Variants in LDLRAD4 observed in about 807,000 individuals in gnomAD.
LDLRAD4 encodes the protein low-density lipoprotein receptor class A domain-containing protein 4.
Under a neutral mutation model 17.0 loss-of-function variants are expected in LDLRAD4, and 5 were observed. The observed-to-expected ratio is 0.29, with a 90% CI of 0.15 to 0.62. The LOEUF (loss-of-function observed/expected upper bound fraction) is 0.62. LDLRAD4 is among the 20% of genes least tolerant of loss of function. LDLRAD4 has a pLI of 0.84. For synonymous variants in LDLRAD4, 168 were observed against 171.8 expected, an observed-to-expected ratio of 0.98 and a Z score of 0.17; for missense variants, 340 against 424.7, an observed-to-expected ratio of 0.80 and a Z score of 1.75.
At chr18:13,368,099 G>T (rs1422711315) in intron 1 of LDLRAD4, among the ~76,000 whole-genome samples, 1 of 152,132 alleles carries the variant, frequency 6.6e-6, no homozygotes. Context: ...GGTATATCTG[G>T]GGGTGGTGCG....
intron 3 of LDLRAD4, among the ~76,000 whole-genome samples, chr18:13,486,264 A>G (rs772400254): frequency 2.8e-4 from 43 of 152,368 alleles, no homozygotes; most frequent in Middle Eastern, 6.8e-3. Flanking sequence ...TTGTGTCAAG[A>G]TTATTTTACT....
At chr18:13,218,446 C>T (rs2041267979), upstream of LDLRAD4, among the ~76,000 whole-genome samples, 1 of 152,188 alleles carries the variant, frequency 6.6e-6, no homozygotes, top group African/African-American at 2.4e-5. Flanking sequence ...TTCTGCACCG[C>T]CCGGAGGCCA....
chr18:13,422,294 AT>A (rs1367193307), intron 2 of LDLRAD4, among the ~76,000 whole-genome samples: 1 of 152,202 alleles, frequency 6.6e-6, no homozygotes, highest in Non-Finnish European at 1.5e-5. Context: ...AGAGATGGTG[AT>A]GTGAGCTTCA....
At chr18:13,490,852 G>A (rs1297433611) in intron 3 of LDLRAD4, among the ~76,000 whole-genome samples, 1 of 152,160 alleles carries the variant, frequency 6.6e-6, no homozygotes, top group Non-Finnish European at 1.5e-5. Context: ...CACATCCTTG[G>A]CTCATTGGCA....
intron 1 of LDLRAD4, among the ~76,000 whole-genome samples, chr18:13,363,174 C>CA (rs1395350679): frequency 6.6e-6 from 1 of 151,048 alleles, no homozygotes; most frequent in Non-Finnish European, 1.5e-5. Context: ...GCTAAAAATA[C>CA]AAAAAAAATT....
chr18:13,391,484 G>A (rs566993921), intron 2 of LDLRAD4, among the ~76,000 whole-genome samples: 101 of 152,204 alleles, frequency 6.6e-4, no homozygotes, highest in Non-Finnish European at 1.2e-3. Context: ...ACATAGATGC[G>A]TATTTAACTT....
intron 1 of LDLRAD4, among the ~76,000 whole-genome samples, chr18:13,307,096 T>C (rs563179428): frequency 3.9e-5 from 6 of 152,218 alleles, no homozygotes; most frequent in Non-Finnish European, 7.3e-5. Flanking sequence ...AAGTGGGCAC[T>C]GAAACTAAAC....
intron 1 of LDLRAD4, among the ~76,000 whole-genome samples, chr18:13,384,418 G>A (rs2085631894): frequency 1.3e-5 from 2 of 152,204 alleles, no homozygotes; most frequent in South Asian, 4.1e-4. Flanking sequence ...TTTGTGGTAA[G>A]AATGTTAAAA....
At chr18:13,582,454 G>A (rs545108513) in intron 3 of LDLRAD4, among the ~76,000 whole-genome samples, 11 of 152,392 alleles carry the variant, frequency 7.2e-5, no homozygotes, top group Admixed American at 5.2e-4. Flanking sequence ...GGCAGATGCA[G>A]TTCCCTCCCA....
At chr18:13,222,925 T>C (rs1328519253) in intron 1 of LDLRAD4, among the ~76,000 whole-genome samples, 1 of 152,238 alleles carries the variant, frequency 6.6e-6, no homozygotes, top group African/African-American at 2.4e-5. Flanking sequence ...AGTTGTGTTC[T>C]TTCTGCAGGT....
chr18:13,236,144 C>T (rs1041865851), intron 1 of LDLRAD4, among the ~76,000 whole-genome samples: 6 of 152,120 alleles, frequency 3.9e-5, no homozygotes. Flanking sequence ...GGTTTACTCT[C>T]TACAGAGAGT....
At chr18:13,352,710 A>G (rs888689984) in intron 1 of LDLRAD4, among the ~76,000 whole-genome samples, 24 of 152,060 alleles carry the variant, frequency 1.6e-4, no homozygotes, top group African/African-American at 5.8e-4. Flanking sequence ...TTCTCGTAAC[A>G]TGTATACTTG....
At chr18:13,647,432 AATG>A (rs1469976400) in exon 6 of LDLRAD4, 1 of 152,100 alleles carries the variant, frequency 6.6e-6, no homozygotes, top group Non-Finnish European at 1.5e-5. Flanking sequence ...GATGAGCTGG[AATG>A]ATGATTCCAT....
chr18:13,613,657 T>C (rs1339265604), intron 3 of LDLRAD4: 1 of 152,222 alleles, frequency 6.6e-6, no homozygotes, highest in Non-Finnish European at 1.5e-5. Context: ...GAAGTAATTG[T>C]AGTGGATGAA....
intron 1 of LDLRAD4, among the ~76,000 whole-genome samples, chr18:13,339,670 T>A (rs2144010260): frequency 6.6e-6 from 1 of 152,278 alleles, no homozygotes; most frequent in East Asian, 1.9e-4. Context: ...AATAAAATAT[T>A]ATGGAGAACA....
At chr18:13,553,813 A>G (rs776115602) in intron 3 of LDLRAD4, among the ~76,000 whole-genome samples, 1 of 152,142 alleles carries the variant, frequency 6.6e-6, no homozygotes, top group East Asian at 1.9e-4. Flanking sequence ...CTGTTCATAC[A>G]TGAAGCAATC....
chr18:13,351,824 A>T (rs1461690206), intron 1 of LDLRAD4, among the ~76,000 whole-genome samples: 1 of 152,218 alleles, frequency 6.6e-6, no homozygotes, highest in Non-Finnish European at 1.5e-5. Context: ...AGAAAACTTC[A>T]GGTCAATATC....
chr18:13,398,612 C>G lies in LDLRAD4; in HGVS notation c.40+10850C>G, dbSNP rs193092104. Among the ~76,000 whole-genome samples, 2 of 152,016 alleles carry G rather than the reference C, an allele frequency of 1.3e-5. No homozygotes were observed. ...TCAGTTTTGGCTTAAGGACAGGTTT[C>G]GAAGGAGATGGGCGGCCCCTCCCTC... On this transcript the variant is annotated intron_variant, in intron 2 of 5. Transcript: ENST00000359446. This position sits in a 1 kb window ranked among gnomAD's most constrained non-coding sequence, Gnocchi z 4.8.
At chr18:13,616,739 G>A (rs1377746517) in intron 3 of LDLRAD4, among the ~76,000 whole-genome samples, 1 of 152,218 alleles carries the variant, frequency 6.6e-6, no homozygotes, top group Admixed American at 6.5e-5. Context: ...GCTGCCTCCT[G>A]TGCCCAGGGC....
Sources: gnomAD v4.1 joint callset for allele counts (sites outside exome capture counted in the v4.1 genomes callset) on GRCh38, gnomAD v4.1.1 for gene constraint, Gnocchi (gnomAD v3.1) non-coding constraint, MANE v1.5 for transcripts, NCBI Gene and HGNC (gene_info 2026-07-23, HGNC 2026-07-21) for gene names.